The following SYTL3 variants were observed in gnomAD, a reference collection of about 807,000 sequenced individuals.
The protein encoded by SYTL3 is synaptotagmin like 3, also known as synaptotagmin-like protein 3.
A neutral mutation model predicts 82.1 loss-of-function variants in SYTL3; 88 were observed. The ratio of observed to expected loss-of-function variants is 1.07; its 90% CI spans 0.90 to 1.28. The LOEUF is 1.28. Among genes scored for constraint, SYTL3 ranks in the 50% most tolerant of loss-of-function variants. The pLI is 0.00. For missense variants in SYTL3, 831 were observed against 757.6 expected (o/e 1.10, Z -1.14); for synonymous variants, 311 against 289.4 (o/e 1.07, Z -0.76).
At chr6:158,759,812 T>A (rs1460762679) in intron 14 of SYTL3, among the ~76,000 whole-genome samples, 1 of 152,174 alleles carries the variant, frequency 6.6e-6, no homozygotes, top group Non-Finnish European at 1.5e-5. Context: ...ATTACAGGCA[T>A]GAGTCACCAT....
intron 6 of SYTL3, among the ~76,000 whole-genome samples, chr6:158,685,219 T>C (rs1000397986): frequency 3.3e-5 from 5 of 150,020 alleles, no homozygotes; most frequent in African/African-American, 9.7e-5. Context: ...TCTCTCTCTT[T>C]TTTTTTTTTT....
chr6:158,699,815 G>T (rs1374728476), intron 6 of SYTL3, among the ~76,000 whole-genome samples: 1 of 151,782 alleles, frequency 6.6e-6, no homozygotes, highest in African/African-American at 2.4e-5. Context: ...AGGTGAGGTG[G>T]TGTGCACCTG....
At chr6:158,693,855 C>CGTTTCTTTTCTTTTCTT in intron 6 of SYTL3, among the ~76,000 whole-genome samples, 1 of 96,866 alleles carries the variant, frequency 1.0e-5, no homozygotes, top group Non-Finnish European at 1.9e-5. Flanking sequence ...TTTTTCTTTT[C>CGTTTCTTTTCTTTTCTT]TTTTTTTTTT....
In SYTL3 at chr6:158,687,494, G is replaced by A. The variant is rs542814904; in HGVS notation, c.394+4505G>A. The stretch of plus-strand genomic sequence containing the variant: ...TCAGCCCTAGTCAGAGAGGACAAAG[G>A]GTCTGAATATCAGGAAGCAAGAATC... On this transcript the variant is annotated intron_variant, in intron 6 of 17. Transcript: ENST00000611299. Among the ~76,000 whole-genome samples the A allele has an allele frequency of 5.3e-5, 8 of 152,282 alleles. No individual in the cohort carries two copies. In the South Asian group the frequency reaches 1.7e-3, roughly 32 times the overall value.
chr6:158,705,721 G>T (rs1782008798), intron 6 of SYTL3, among the ~76,000 whole-genome samples: 1 of 151,936 alleles, frequency 6.6e-6, no homozygotes, highest in Non-Finnish European at 1.5e-5. Flanking sequence ...TGGGGACAGG[G>T]TGATAGGTGA....
chr6:158,724,889 C>T (rs910520671), intron 10 of SYTL3, among the ~76,000 whole-genome samples: 1 of 152,156 alleles, frequency 6.6e-6, no homozygotes, highest in African/African-American at 2.4e-5. Flanking sequence ...GTGGCACATG[C>T]CTGTGGTCCC....
rs34172320 is a variant in SYTL3, at chr6:158,729,566, CTTTTTTTT to C, written c.855+3940_855+3947del. On this transcript the variant is annotated intron_variant, in intron 11 of 17. Coordinates refer to ENST00000611299, the MANE Select transcript of SYTL3 (RefSeq NM_001242394.2). Reference sequence around the variant, plus strand: ...GTGTACTGTACTTTACTTTCTTTTTCTTTTTTTTTTTTTTTTTTGAGACAGAGTCTCGC... The same window carrying C: ...GTGTACTGTACTTTACTTTCTTTTTCTTTTTTTTTTGAGACAGAGTCTCGC... Among the ~76,000 whole-genome samples, 25 of 132,888 alleles carry C rather than the reference CTTTTTTTT, an allele frequency of 1.9e-4. 2 individuals carry two copies. In the South Asian group the frequency reaches 5.1e-3, roughly 27 times the overall value. 87.2% of individuals were successfully genotyped at this position (132,888 alleles called of 152,430 possible). A position where few individuals can be genotyped will look rare whatever the true frequency, so the allele number is the denominator to read the frequency against.
At chr6:158,672,470 T>C (rs1365724876) in intron 5 of SYTL3, among the ~76,000 whole-genome samples, 2 of 152,104 alleles carry the variant, frequency 1.3e-5, no homozygotes, top group African/African-American at 2.4e-5. Flanking sequence ...TTTAACATTA[T>C]GGAGACAGCT....
At chr6:158,651,725 A>C (rs1305968106) in intron 1 of SYTL3, 28 bp from the exon 2 acceptor site, 3 of 151,742 alleles carry the variant, frequency 2.0e-5, no homozygotes, top group Admixed American at 2.0e-4. Context: ...CTAAAGTAAT[A>C]TTTTTTGTTG....
In SYTL3 at chr6:158,650,249, A is replaced by G. The variant is rs150996569; in HGVS notation, c.-727+171A>G. Among the ~76,000 whole-genome samples the G allele has an allele frequency of 1.7e-3, 254 of 152,340 alleles. 1 individual carries two copies. The highest frequency in any genetic ancestry group is 0.014 in the Admixed American group (209 of 15,296). On this transcript the variant is annotated intron_variant, in intron 1 of 17. Coordinates refer to ENST00000611299, the MANE Select transcript of SYTL3 (RefSeq NM_001242394.2). Reference sequence around the variant, plus strand: ...AGATATCTTGTAATTTTATTGAATAACATACATTTAACATTTGAGATAATA... The same window carrying G: ...AGATATCTTGTAATTTTATTGAATAGCATACATTTAACATTTGAGATAATA...
intron 6 of SYTL3, among the ~76,000 whole-genome samples, chr6:158,692,764 C>T (rs1488872900): frequency 6.9e-6 from 1 of 144,376 alleles, no homozygotes; most frequent in Non-Finnish European, 1.5e-5. Flanking sequence ...GGTGAAATCC[C>T]GTCTCTACTA....
intron 11 of SYTL3, chr6:158,726,024 C>T (rs1784684989): frequency 1.1e-5 from 7 of 622,624 alleles, no homozygotes; most frequent in South Asian, 1.4e-5. Context: ...TCGCAGTCCA[C>T]GTGTGTGTCC....
At chr6:158,652,738 C>T (rs1360766815) in intron 2 of SYTL3, among the ~76,000 whole-genome samples, 7 of 151,294 alleles carry the variant, frequency 4.6e-5, no homozygotes, top group African/African-American at 1.2e-4. Context: ...GACAGGGTTT[C>T]ACCATGTTGG....
At chr6:158,731,423 G>T (rs576410468) in intron 11 of SYTL3, among the ~76,000 whole-genome samples, 8 of 151,550 alleles carry the variant, frequency 5.3e-5, no homozygotes, top group African/African-American at 1.9e-4. Context: ...GCCTAGGAAG[G>T]ACCCTACCTT....
chr6:158,719,724 G>A (rs563365617), intron 10 of SYTL3, among the ~76,000 whole-genome samples: 1 of 152,302 alleles, frequency 6.6e-6, no homozygotes, highest in Admixed American at 6.5e-5. Context: ...ACACGTGGTG[G>A]CAGCATTGCT....
intron 5 of SYTL3, among the ~76,000 whole-genome samples, chr6:158,676,536 A>G (rs1484457014): frequency 1.3e-5 from 2 of 151,998 alleles, no homozygotes; most frequent in African/African-American, 4.8e-5. Context: ...AATGGCAACA[A>G]AAGCCAAAAT....
intron 8 of SYTL3, among the ~76,000 whole-genome samples, 196 bp downstream of exon 8, chr6:158,708,587 G>A (rs898100926): frequency 2.0e-5 from 3 of 152,294 alleles, no homozygotes; most frequent in South Asian, 2.1e-4. Flanking sequence ...CATTCTGGTC[G>A]CGGGACCCTC....
intron 11 of SYTL3, among the ~76,000 whole-genome samples, chr6:158,735,866 G>GT (rs1786076382): frequency 6.6e-6 from 1 of 152,148 alleles, no homozygotes; most frequent in African/African-American, 2.4e-5. Flanking sequence ...AGCAGAAACT[G>GT]TTACAACTTT....
chr6:158,725,416 C>G, intron 10 of SYTL3, 87 bp from the exon 11 acceptor site: 6 of 1,471,312 alleles, frequency 4.1e-6, no homozygotes, highest in Non-Finnish European at 5.6e-6. Flanking sequence ...AACATCAAGT[C>G]ATAGATGCTT....
Sources: gnomAD v4.1 joint callset for allele counts (sites outside exome capture counted in the v4.1 genomes callset) on GRCh38, gnomAD v4.1.1 for gene constraint, MANE v1.5 for transcripts, NCBI Gene and HGNC (gene_info 2026-07-23, HGNC 2026-07-21) for gene names.